CELF2: variants seen among roughly 807,000 people sequenced by gnomAD.
CELF2 encodes CUGBP Elav-like family member 2, also known as CUG triplet repeat RNA-binding protein 2.
CELF2 carries 8 observed loss-of-function variants against 62.6 expected under a neutral mutation model. The observed-to-expected ratio is 0.13, with a 90% CI of 0.07 to 0.23. CELF2 has a LOEUF of 0.23. Among genes scored for constraint, CELF2 ranks in the 10% least tolerant of loss-of-function variants. The pLI, the probability that CELF2 is intolerant of heterozygous loss-of-function variation, is 1.00. For synonymous variants in CELF2, 258 were observed against 250.0 expected (o/e 1.03, Z -0.30); for missense variants, 333 against 671.0 (o/e 0.50, Z 5.56).
chr10:10,729,558 G>C, the CELF2 span, among the ~76,000 whole-genome samples: 2 of 151,994 alleles, frequency 1.3e-5, no homozygotes, highest in Non-Finnish European at 2.9e-5. Flanking sequence ...ATAAGACAAA[G>C]ATCGCACCAC....
the CELF2 span, among the ~76,000 whole-genome samples, chr10:10,634,810 T>A: frequency 6.6e-6 from 1 of 152,014 alleles, no homozygotes; most frequent in Non-Finnish European, 1.5e-5. Flanking sequence ...TACAGGCATG[T>A]GCCACCATGC....
At chr10:10,738,678 G>T in the CELF2 span, among the ~76,000 whole-genome samples, 2 of 152,064 alleles carry the variant, frequency 1.3e-5, no homozygotes, top group Non-Finnish European at 2.9e-5. Context: ...CCAATAGAGG[G>T]CCATCCTACA....
At position 11,249,691 on chromosome 10, in the gene CELF2, A is replaced by G. The variant is rs532035373; in HGVS notation, c.403+490A>G. On this transcript the variant is annotated intron_variant, in intron 4 of 12. Transcript: ENST00000633077. ...TTGTACTCTTCTCTAAATTGCTCCA[A>G]TGCATTTGCATCAGAATTCAGAGTT... 1.7e-3 allele frequency among the ~76,000 whole-genome samples: 256 copies of G among 152,284 alleles called. 1 individual carries two copies. Among genetic ancestry groups the G allele is most frequent in the South Asian group, 0.016 (79 of 4,828 alleles).
intron 1 of CELF2, among the ~76,000 whole-genome samples, chr10:11,035,769 G>T (rs930744074): frequency 5.3e-5 from 8 of 152,174 alleles, no homozygotes; most frequent in Admixed American, 1.3e-4. Flanking sequence ...ATCAGCATCT[G>T]AGTCTCAATG....
intron 1 of CELF2, among the ~76,000 whole-genome samples, chr10:11,028,706 A>G (rs1193742428): frequency 3.8e-5 from 5 of 130,768 alleles, no homozygotes; most frequent in Non-Finnish European, 6.3e-5. Flanking sequence ...GGTGTGAGCC[A>G]CCGCACCCAG....
chr10:10,840,798 C>G (rs2058630001), intron 1 of CELF2, among the ~76,000 whole-genome samples: 1 of 152,056 alleles, frequency 6.6e-6, no homozygotes, highest in Non-Finnish European at 1.5e-5. Context: ...AGGTTTTCAG[C>G]CCTGCATGCA....
At chr10:10,842,380 G>T (rs2058738743) in intron 1 of CELF2, among the ~76,000 whole-genome samples, 1 of 152,018 alleles carries the variant, frequency 6.6e-6, no homozygotes, top group Non-Finnish European at 1.5e-5. Flanking sequence ...GGTCTCAGGG[G>T]AAAATTGTTC....
chr10:10,631,098 T>A, the CELF2 span, among the ~76,000 whole-genome samples: 1 of 152,206 alleles, frequency 6.6e-6, no homozygotes, highest in Non-Finnish European at 1.5e-5. Context: ...GCTGTGAACA[T>A]TCATTCAAAC....
At chr10:10,915,902 G>C (rs1183485326) in intron 1 of CELF2, among the ~76,000 whole-genome samples, 1 of 152,202 alleles carries the variant, frequency 6.6e-6, no homozygotes, top group African/African-American at 2.4e-5. Flanking sequence ...TAGATTAAGT[G>C]CTAATGAATA....
chr10:10,549,305 A>G, the CELF2 span, among the ~76,000 whole-genome samples: 1 of 152,140 alleles, frequency 6.6e-6, no homozygotes, highest in African/African-American at 2.4e-5. Context: ...TCTTTTTGAG[A>G]CAGAGTCTTG....
intron 8 of CELF2, among the ~76,000 whole-genome samples, chr10:11,276,175 C>A (rs2086037467): frequency 6.6e-6 from 1 of 151,346 alleles, no homozygotes; most frequent in Non-Finnish European, 1.5e-5. Flanking sequence ...TCAAATGAAT[C>A]TGGAAAAACT....
rs553418256 is a variant in CELF2, at chr10:11,285,744, G to C, written c.842-2674G>C. ...CTCTGTACAGACAATACTCTTCAGA[G>C]CAATTTATGTAAATGTCAAACTTGT... On this transcript the variant is annotated intron_variant, in intron 8 of 12. Transcript: ENST00000633077. The surrounding 1 kb of genome is among the most constrained non-coding windows in gnomAD (Gnocchi z 4.3). Among the ~76,000 whole-genome samples the C allele has an allele frequency of 3.9e-5, 6 of 152,186 alleles. No homozygotes were observed. The highest frequency in any genetic ancestry group is 8.8e-5 in the Non-Finnish European group (6 of 68,016).
the CELF2 span, among the ~76,000 whole-genome samples, chr10:10,724,655 CAAA>C: frequency 2.5e-5 from 2 of 81,176 alleles, no homozygotes; most frequent in African/African-American, 1.0e-4. Context: ...GACTCCGTCT[CAAA>C]AAAAAAAAAA....
chr10:10,662,468 C>G, the CELF2 span, among the ~76,000 whole-genome samples: 2 of 152,282 alleles, frequency 1.3e-5, no homozygotes, highest in East Asian at 3.9e-4. Context: ...TCCTCCAGCA[C>G]TGGCCTGATT....
rs1554884980 is a variant in CELF2, at chr10:10,927,357, A to AC, written c.89+7358_89+7359insC. The AC allele has an allele frequency of 6.7e-5, 10 of 149,488 alleles. 1 individual carries two copies. The highest frequency in any genetic ancestry group is 4.3e-4 in the South Asian group (2 of 4,652). The allele number at this position is 149,488 out of a possible 1,614,324, so 9.3% of individuals were successfully genotyped here. A position where few individuals can be genotyped will look rare whatever the true frequency, so the allele number is the denominator to read the frequency against. ...GAACCTAGTGACATTAAAAAAAAAA[A>AC]AAAAAAAAACACCTTTTTCTGTTCT... On this transcript the variant is annotated intron_variant, in intron 2 of 13. Transcript: ENST00000636488.
the CELF2 span, among the ~76,000 whole-genome samples, chr10:10,652,909 G>A: frequency 6.6e-6 from 1 of 152,030 alleles, no homozygotes; most frequent in South Asian, 2.1e-4. Context: ...CCAATTAAAA[G>A]ACACAGACTG....
the CELF2 span, among the ~76,000 whole-genome samples, chr10:10,500,957 TA>T: frequency 6.6e-6 from 1 of 152,204 alleles, no homozygotes; most frequent in Admixed American, 6.5e-5. Flanking sequence ...TATCAGTAGT[TA>T]TTATTTATTG....
chr10:11,095,060 C>G (rs2049416172), intron 1 of CELF2, among the ~76,000 whole-genome samples: 1 of 152,094 alleles, frequency 6.6e-6, no homozygotes, highest in Admixed American at 6.5e-5. Context: ...TCCTGTCAAT[C>G]ATTCATCCCT....
the CELF2 span, among the ~76,000 whole-genome samples, chr10:10,751,395 A>G: frequency 1.3e-5 from 2 of 152,258 alleles, no homozygotes; most frequent in African/African-American, 2.4e-5. Context: ...CAATTCAGCT[A>G]TAATTCCAAG....
Sources: gnomAD v4.1 joint callset for allele counts (sites outside exome capture counted in the v4.1 genomes callset) on GRCh38, gnomAD v4.1.1 for gene constraint, Gnocchi (gnomAD v3.1) non-coding constraint, MANE v1.5 for transcripts, NCBI Gene and HGNC (gene_info 2026-07-23, HGNC 2026-07-21) for gene names.